NAB1: variants seen among roughly 807,000 people sequenced by gnomAD.
NAB1 encodes the protein NGFI-A binding protein 1, also known as NGFI-A-binding protein 1.
A neutral mutation model predicts 49.9 loss-of-function variants in NAB1; 25 were observed. The observed-to-expected ratio is 0.50, with a 90% CI of 0.37 to 0.70. NAB1 has a LOEUF of 0.70. Ranked by LOEUF, NAB1 falls within the 30% of genes least tolerant of loss-of-function variation. The pLI is 0.00. For missense variants in NAB1, 489 were observed against 575.9 expected, an observed-to-expected ratio of 0.85 and a Z score of 1.54; for synonymous variants, 198 against 215.6, an observed-to-expected ratio of 0.92 and a Z score of 0.71.
chr2:190,673,365 C>CT (rs1265174572), intron 6 of NAB1, among the ~76,000 whole-genome samples: 1 of 151,882 alleles, frequency 6.6e-6, no homozygotes, highest in Non-Finnish European at 1.5e-5. Context: ...TTTTTTTAAA[C>CT]TTTTTTTTCA....
chr2:190,656,289 A>G (rs1693915974), intron 3 of NAB1, 136 bp downstream of exon 3: 1 of 152,254 alleles, frequency 6.6e-6, no homozygotes, highest in Admixed American at 6.5e-5. Flanking sequence ...TTTGACCTTC[A>G]TGTTGAATCA....
Position 190,670,885 on chromosome 2 carries a change from G to A in NAB1, c.953+426G>A, listed in dbSNP as rs1236503409. Among the ~76,000 whole-genome samples the A allele has an allele frequency of 2.6e-5, 4 of 152,180 alleles. No homozygotes were observed. The highest frequency in any genetic ancestry group is 1.3e-4 in the Admixed American group (2 of 15,286). On this transcript the variant is annotated intron_variant, in intron 5 of 9. Transcript: ENST00000337386. This position sits in a 1 kb window ranked among gnomAD's most constrained non-coding sequence, Gnocchi z 5.3. ...ATGAGATTAGCTGAATATGTAAAAC[G>A]ACTCTATTGACTAGTATCTAAGGGA...
At chr2:190,687,506 G>T (rs920817420) in intron 9 of NAB1, among the ~76,000 whole-genome samples, 189 bp downstream of exon 9, 2 of 151,170 alleles carry the variant, frequency 1.3e-5, no homozygotes, top group South Asian at 2.1e-4. Context: ...TTGAGTGTCA[G>T]AATGACACTC....
Position 190,659,999 on chromosome 2 carries a change from C to T in NAB1, c.819+4C>T. 6.2e-7 allele frequency: 1 copy of T among 1,605,794 alleles called. No individual in the cohort carries two copies. Among genetic ancestry groups the T allele is most frequent in the Non-Finnish European group, 8.5e-7 (1 of 1,173,568 alleles). On this transcript the variant is annotated splice_donor_region_variant and intron_variant, in intron 4 of 9. Transcript: ENST00000337386. This position sits in a 1 kb window ranked among gnomAD's most constrained non-coding sequence, Gnocchi z 6.2. ...GAAACATCTCACACTTCATGAGGTA[C>T]AAAGCCCGCGTTGTTCCTTCTGTGT...
rs749836443 is a variant in NAB1, at chr2:190,685,643, A to G, written c.1258+5A>G. Reference sequence around the variant, plus strand: ...CCGATAACTCAGATGGACAAGGTACATCTTTAGAATATCCTATGCCTTTAG... The same window carrying G: ...CCGATAACTCAGATGGACAAGGTACGTCTTTAGAATATCCTATGCCTTTAG... On this transcript the variant is annotated splice_donor_5th_base_variant and intron_variant, in intron 8 of 9. Transcript: ENST00000337386. The surrounding 1 kb of genome is among the most constrained non-coding windows in gnomAD (Gnocchi z 4.5). 6.3e-7 allele frequency: 1 copy of G among 1,596,302 alleles called. No individual in the cohort carries two copies. Among genetic ancestry groups the G allele is most frequent in the South Asian group, 1.1e-5 (1 of 88,268 alleles).
intron 5 of NAB1, among the ~76,000 whole-genome samples, chr2:190,671,559 A>G (rs1422067365): frequency 1.3e-5 from 2 of 151,914 alleles, no homozygotes; most frequent in African/African-American, 4.8e-5. Flanking sequence ...TGTATTATAC[A>G]CTATTTTCTT....
At chr2:190,683,869 AG>A (rs1168175372) in intron 7 of NAB1, 42 bp downstream of exon 7, 3 of 1,462,816 alleles carry the variant, frequency 2.1e-6, no homozygotes, top group Non-Finnish European at 1.9e-6. Context: ...TAGTATCTGA[AG>A]GTTAAAAAAT....
rs1357620323 is a variant in NAB1, at chr2:190,654,920, G to A, written c.-196-1057G>A. On this transcript the variant is annotated intron_variant, in intron 2 of 9. Coordinates refer to ENST00000337386, the MANE Select transcript of NAB1 (RefSeq NM_005966.4). The surrounding 1 kb of genome is among the most constrained non-coding windows in gnomAD (Gnocchi z 5.6). ...TGCAACTGAAAGAACTAAGAGAGTTGGAAAGAGTAGACTTGGGAATCTGGA... is the reference window on the plus strand; with the variant it reads ...TGCAACTGAAAGAACTAAGAGAGTTAGAAAGAGTAGACTTGGGAATCTGGA... Among the ~76,000 whole-genome samples the A allele has an allele frequency of 6.6e-6, 1 of 152,172 alleles. No individual in the cohort carries two copies. Among genetic ancestry groups the A allele is most frequent in the African/African-American group, 2.4e-5 (1 of 41,430 alleles).
chr2:190,661,296 A>G (rs1164090488), intron 4 of NAB1, among the ~76,000 whole-genome samples: 1 of 152,218 alleles, frequency 6.6e-6, no homozygotes, highest in African/African-American at 2.4e-5. Context: ...ATTGGTTAGC[A>G]GAATTACTTA....
Position 190,659,273 on chromosome 2 carries a change from C to T in NAB1, c.97C>T (p.Gln33Ter). Residue 33 changes from glutamine to a stop codon, truncating the protein, a stop_gained, in exon 4 of 10, where the codon CAA becomes TAA. Coordinates refer to ENST00000337386, the MANE Select transcript of NAB1 (RefSeq NM_005966.4). LOFTEE classifies it high-confidence loss of function. The surrounding 1 kb of genome is among the most constrained non-coding windows in gnomAD (Gnocchi z 6.2). ...TTCTTATTTTGATGCCTTTATCCAA[C>T]AAGGTGGTGATGATGTCCAGCAACT... Reference protein sequence around the residue: ...LLSYFDAFIQQGGDDVQQLCE... With the variant: ...LLSYFDAFIQ 6.2e-7 allele frequency: 1 copy of T among 1,613,854 alleles called. No homozygotes were observed. The highest frequency in any genetic ancestry group is 8.5e-7 in the Non-Finnish European group (1 of 1,180,002).
In NAB1 at chr2:190,684,030, T is replaced by G. The variant is rs1023051590; in HGVS notation, c.1095+203T>G. Among the ~76,000 whole-genome samples, 2 of 152,212 alleles carry G rather than the reference T, an allele frequency of 1.3e-5. No homozygotes were observed. Among genetic ancestry groups the G allele is most frequent in the Admixed American group, 1.3e-4 (2 of 15,288 alleles). The stretch of plus-strand genomic sequence containing the variant: ...GATTCAGTTTATGAACGGAATCTGA[T>G]ATGGTGCTACTTATTTATTCTTGTA... On this transcript the variant is annotated intron_variant, in intron 7 of 9. Coordinates refer to ENST00000337386, the MANE Select transcript of NAB1 (RefSeq NM_005966.4). This position sits in a 1 kb window ranked among gnomAD's most constrained non-coding sequence, Gnocchi z 4.6.
intron 2 of NAB1, among the ~76,000 whole-genome samples, chr2:190,650,589 T>C (rs746617041): frequency 8.5e-5 from 13 of 152,162 alleles, no homozygotes; most frequent in Non-Finnish European, 1.8e-4. Flanking sequence ...ATTTCATAAT[T>C]TGTGTGTGGG....
In NAB1 at chr2:190,689,096, G is replaced by A. The variant is rs1269157294; in HGVS notation, c.1376-1149G>A. Among the ~76,000 whole-genome samples the A allele has an allele frequency of 6.6e-6, 1 of 152,116 alleles. No homozygotes were observed. Among genetic ancestry groups the A allele is most frequent in the Non-Finnish European group, 1.5e-5 (1 of 68,024 alleles). On this transcript the variant is annotated intron_variant, in intron 9 of 9. Transcript: ENST00000337386. The surrounding 1 kb of genome is among the most constrained non-coding windows in gnomAD (Gnocchi z 4.3). ...CCGCCTCGGCCCCACAAAGTGCTGG[G>A]ATTACAGGTGTGAGCCACTGTGCCC...
At chr2:190,664,490 G>A (rs1256984181) in intron 4 of NAB1, among the ~76,000 whole-genome samples, 3 of 149,488 alleles carry the variant, frequency 2.0e-5, no homozygotes, top group Non-Finnish European at 4.4e-5. Context: ...CCACAGGCAT[G>A]TGCCACCACA....
rs1342752789 is a variant in NAB1, at chr2:190,677,964, G to A, written c.1005+4812G>A. On this transcript the variant is annotated intron_variant, in intron 6 of 9. Coordinates refer to ENST00000337386, the MANE Select transcript of NAB1 (RefSeq NM_005966.4). The surrounding 1 kb of genome is among the most constrained non-coding windows in gnomAD (Gnocchi z 5.6). ...GCAGGACTGGTAGTCTTTGAAAAGG[G>A]TGGATGGTGGCAGTTATTATTTTCT... Among the ~76,000 whole-genome samples, 1 of 152,198 alleles carries A rather than the reference G, an allele frequency of 6.6e-6. No homozygotes were observed. The highest frequency in any genetic ancestry group is 1.5e-5 in the Non-Finnish European group (1 of 68,032).
rs1694099126 is a variant in NAB1, at chr2:190,659,368, T to C, written c.192T>C (p.His64=). 6.2e-7 allele frequency: 1 copy of C among 1,614,136 alleles called. No homozygotes were observed. Among genetic ancestry groups the C allele is most frequent in the East Asian group, 2.2e-5 (1 of 44,878 alleles). ...ALVGMASKPL[H]VRRLQKALRD... Reference sequence around the variant, plus strand: ...TGGGCATGGCTAGCAAGCCCCTTCATGTTAGAAGGCTGCAGAAGGCTTTGA... The same window carrying C: ...TGGGCATGGCTAGCAAGCCCCTTCACGTTAGAAGGCTGCAGAAGGCTTTGA... The change falls in exon 4 of 10, where the codon CAT becomes CAC. Residue 64 remains histidine (H), a synonymous_variant. Coordinates refer to ENST00000337386, the MANE Select transcript of NAB1 (RefSeq NM_005966.4). The surrounding 1 kb of genome is among the most constrained non-coding windows in gnomAD (Gnocchi z 6.2).
At position 190,657,003 on chromosome 2, in the gene NAB1, A is replaced by G. The variant is rs776108269; in HGVS notation, c.-20+850A>G. 7.9e-5 allele frequency among the ~76,000 whole-genome samples: 12 copies of G among 152,046 alleles called. No homozygotes were observed. The highest frequency in any genetic ancestry group is 1.2e-4 in the Non-Finnish European group (8 of 68,020). ...GGAGCTTCTGTGTCTTCCACAGTCT[A>G]TTTTGATCATGTGTATGTATATACA... On this transcript the variant is annotated intron_variant, in intron 3 of 9. Coordinates refer to ENST00000337386, the MANE Select transcript of NAB1 (RefSeq NM_005966.4). The surrounding 1 kb of genome is among the most constrained non-coding windows in gnomAD (Gnocchi z 4.4).
Position 190,689,548 on chromosome 2 carries a change from C to T in NAB1, c.1376-697C>T, listed in dbSNP as rs1392175340. ...ATGTTTGCATGTATATGTGTGTGTACATATCTCCCAGTATTTGTACTTTAC... is the reference window on the plus strand; with the variant it reads ...ATGTTTGCATGTATATGTGTGTGTATATATCTCCCAGTATTTGTACTTTAC... On this transcript the variant is annotated intron_variant, in intron 9 of 9. Coordinates refer to ENST00000337386, the MANE Select transcript of NAB1 (RefSeq NM_005966.4). The surrounding 1 kb of genome is among the most constrained non-coding windows in gnomAD (Gnocchi z 4.3). Among the ~76,000 whole-genome samples the T allele has an allele frequency of 6.6e-6, 1 of 152,096 alleles. No homozygotes were observed. Among genetic ancestry groups the T allele is most frequent in the African/African-American group, 2.4e-5 (1 of 41,414 alleles).
At position 190,670,596 on chromosome 2, in the gene NAB1, G is replaced by A; in HGVS notation, c.953+137G>A. 1.0e-6 allele frequency: 1 copy of A among 963,564 alleles called. No homozygotes were observed. Among genetic ancestry groups the A allele is most frequent in the African/African-American group, 1.7e-5 (1 of 59,748 alleles). 59.7% of individuals were successfully genotyped at this position (963,564 alleles called of 1,614,324 possible). On this transcript the variant is annotated intron_variant, in intron 5 of 9. Coordinates refer to ENST00000337386, the MANE Select transcript of NAB1 (RefSeq NM_005966.4). This position sits in a 1 kb window ranked among gnomAD's most constrained non-coding sequence, Gnocchi z 5.3. The stretch of plus-strand genomic sequence containing the variant: ...TTGTTCTATGAAACTAAACAATGCA[G>A]TGATTTTGAAAACATTGCCAAGGTG...
Sources: allele counts gnomAD v4.1 joint callset (sites outside exome capture counted in the v4.1 genomes callset), GRCh38; gene constraint gnomAD v4.1.1; non-coding constraint Gnocchi (gnomAD v3.1); transcripts MANE v1.5; gene names NCBI Gene and HGNC (gene_info 2026-07-23, HGNC 2026-07-21).